Variants in SORCS3 observed in about 807,000 individuals in gnomAD.
The protein encoded by SORCS3 is sortilin related VPS10 domain containing receptor 3, also known as VPS10 domain-containing receptor SorCS3.
In SORCS3, 57 loss-of-function variants were observed where a neutral mutation model predicts 146.3. The observed-to-expected ratio is 0.39, with a 90% confidence interval of 0.31 to 0.49. The LOEUF is 0.49. SORCS3 is among the 20% of genes least tolerant of loss of function. The pLI, the probability that SORCS3 is intolerant of heterozygous loss-of-function variation, is 0.92. For missense variants in SORCS3, 1,341 were observed against 1,575.5 expected, an observed-to-expected ratio of 0.85 and a Z score of 2.52; for synonymous variants, 653 against 618.5, an observed-to-expected ratio of 1.06 and a Z score of -0.83.
chr10:104,788,995 C>T (rs760190687), intron 1 of SORCS3, among the ~76,000 whole-genome samples: 8 of 152,182 alleles, frequency 5.3e-5, no homozygotes, highest in Non-Finnish European at 1.2e-4. Flanking sequence ...TGTCTTCCCC[C>T]ACCTGGGCTC....
chr10:105,219,497 A>C (rs370132731), intron 19 of SORCS3, among the ~76,000 whole-genome samples: 2 of 152,206 alleles, frequency 1.3e-5, no homozygotes, highest in African/African-American at 4.8e-5. Context: ...AGAACAGTTT[A>C]GGCAGAGTGA....
intron 19 of SORCS3, among the ~76,000 whole-genome samples, chr10:105,220,989 A>G (rs572692750): frequency 1.3e-5 from 2 of 152,338 alleles, no homozygotes; most frequent in African/African-American, 2.4e-5. Flanking sequence ...AAATCTTGAG[A>G]TGCCATATGT....
chr10:105,064,713 G>A lies in SORCS3; in HGVS notation c.1028+21585G>A, dbSNP rs559929011. Reference sequence around the variant, plus strand: ...TGGGGAAGGGAGGGAGATAGCTGCAGAGAAGGAGGTAGGGAAGGAGATAAA... The same window carrying A: ...TGGGGAAGGGAGGGAGATAGCTGCAAAGAAGGAGGTAGGGAAGGAGATAAA... On this transcript the variant is annotated intron_variant, in intron 5 of 26. Transcript: ENST00000369701. 2.6e-5 allele frequency among the ~76,000 whole-genome samples: 4 copies of A among 152,286 alleles called. No homozygotes were observed. In the South Asian group the frequency reaches 8.3e-4, roughly 32 times the overall value.
intron 1 of SORCS3, among the ~76,000 whole-genome samples, chr10:104,691,730 T>C (rs1233274388): frequency 6.6e-6 from 1 of 152,110 alleles, no homozygotes; most frequent in African/African-American, 2.4e-5. Context: ...ATAATGTGTG[T>C]TTGATTTCCT....
chr10:105,124,276 A>G (rs1485256310), intron 7 of SORCS3, among the ~76,000 whole-genome samples: 1 of 152,196 alleles, frequency 6.6e-6, no homozygotes, highest in Non-Finnish European at 1.5e-5. Flanking sequence ...TATGAAAGTG[A>G]TATAATGAAG....
chr10:104,706,688 A>C (rs2133435511), intron 1 of SORCS3, among the ~76,000 whole-genome samples: 1 of 152,204 alleles, frequency 6.6e-6, no homozygotes, highest in East Asian at 1.9e-4. Context: ...CCTGTGGATA[A>C]ATTTACCTTA....
intron 2 of SORCS3, among the ~76,000 whole-genome samples, chr10:104,844,100 C>T (rs543808101): frequency 6.6e-6 from 1 of 152,304 alleles, no homozygotes; most frequent in East Asian, 1.9e-4. Context: ...GTTAATTGCT[C>T]ATGTCGACTG....
chr10:104,821,967 C>T (rs554937626), intron 1 of SORCS3: 87 of 396,370 alleles, frequency 2.2e-4, no homozygotes, highest in South Asian at 1.6e-3. Flanking sequence ...TTGAATGAAA[C>T]TTCAAGGTTG....
intron 1 of SORCS3, among the ~76,000 whole-genome samples, chr10:104,794,622 G>GGAGGGAGAGAGAGAGATAGAGAGA (rs1481811209): frequency 2.4e-5 from 1 of 41,406 alleles, no homozygotes; most frequent in Non-Finnish European, 4.3e-5. Flanking sequence ...AGAGAGGGAG[G>GGAGGGAGAGAGAGAGATAGAGAGA]GAGAGAGAGA....
At position 104,795,011 on chromosome 10, in the gene SORCS3, C is replaced by T. The variant is rs568887970; in HGVS notation, c.628-47781C>T. Among the ~76,000 whole-genome samples the T allele has an allele frequency of 5.9e-5, 9 of 152,154 alleles. No individual in the cohort carries two copies. The East Asian group carries it at 7.7e-4, about 13-fold the overall frequency. On this transcript the variant is annotated intron_variant, in intron 1 of 26. Coordinates refer to ENST00000369701, the MANE Select transcript of SORCS3 (RefSeq NM_014978.3). ...CTTAGGTATATCAGACCCAGTTTCCCGTTTTTATAACAAATATTTTGAAAC... is the reference window on the plus strand; with the variant it reads ...CTTAGGTATATCAGACCCAGTTTCCTGTTTTTATAACAAATATTTTGAAAC...
chr10:104,822,231 G>T, intron 1 of SORCS3: 2 of 381,688 alleles, frequency 5.2e-6, no homozygotes, highest in East Asian at 1.4e-4. Flanking sequence ...ATCATGGAGG[G>T]AGATTGTTTA....
At chr10:104,944,636 C>T (rs2019351306) in intron 3 of SORCS3, among the ~76,000 whole-genome samples, 1 of 152,092 alleles carries the variant, frequency 6.6e-6, no homozygotes, top group Admixed American at 6.6e-5. Flanking sequence ...TCAGGAAATA[C>T]AAAATTATAC....
intron 1 of SORCS3, among the ~76,000 whole-genome samples, chr10:104,769,724 T>G (rs1337761625): frequency 2.0e-5 from 3 of 152,096 alleles, no homozygotes; most frequent in Non-Finnish European, 4.4e-5. Flanking sequence ...GGTGATGCTG[T>G]CAGGAGTGAG....
intron 5 of SORCS3, among the ~76,000 whole-genome samples, chr10:105,085,704 G>C (rs1446119812): frequency 6.6e-6 from 1 of 152,190 alleles, no homozygotes; most frequent in Non-Finnish European, 1.5e-5. Flanking sequence ...ACCTGAGATG[G>C]AACTAAGAAA....
At chr10:104,855,648 G>A (rs1259117004) in intron 2 of SORCS3, among the ~76,000 whole-genome samples, 1 of 152,030 alleles carries the variant, frequency 6.6e-6, no homozygotes, top group Non-Finnish European at 1.5e-5. Flanking sequence ...AAATGAAATG[G>A]GATTGTCTTT....
chr10:104,953,084 G>A (rs187258003), intron 3 of SORCS3, among the ~76,000 whole-genome samples: 1 of 152,294 alleles, frequency 6.6e-6, no homozygotes, highest in Non-Finnish European at 1.5e-5. Context: ...CTCTCTGACA[G>A]AGCAGTGGGG....
intron 17 of SORCS3, 55 bp downstream of exon 17, chr10:105,211,305 A>G (rs1344519199): frequency 1.7e-6 from 2 of 1,204,092 alleles, no homozygotes; most frequent in East Asian, 2.4e-5. Flanking sequence ...TCTCTAAACT[A>G]GGACCAAAGG....
Position 104,873,124 on chromosome 10 carries a change from T to C in SORCS3, c.695+30265T>C, listed in dbSNP as rs771120936. On this transcript the variant is annotated intron_variant, in intron 2 of 26. Transcript: ENST00000369701. Reference sequence around the variant, plus strand: ...GCTGGTCACACGAATGTGTCCGTCATTTTCACAAGAAGGGCTTTTGTTTCT... The same window carrying C: ...GCTGGTCACACGAATGTGTCCGTCACTTTCACAAGAAGGGCTTTTGTTTCT... Among the ~76,000 whole-genome samples the C allele has an allele frequency of 4.2e-4, 64 of 152,252 alleles. 1 individual carries two copies. The highest frequency in any genetic ancestry group is 3.9e-4 in the Admixed American group (6 of 15,284).
chr10:104,646,016 C>CA (rs1333877356), intron 1 of SORCS3, among the ~76,000 whole-genome samples: 1 of 151,924 alleles, frequency 6.6e-6, no homozygotes, highest in East Asian at 1.9e-4. Context: ...AGGGTTTTGC[C>CA]AAAAAAATTG....
Sources: gnomAD v4.1 joint callset for allele counts (sites outside exome capture counted in the v4.1 genomes callset) on GRCh38, gnomAD v4.1.1 for gene constraint, MANE v1.5 for transcripts, NCBI Gene and HGNC (gene_info 2026-07-23, HGNC 2026-07-21) for gene names.